The following EPB41L5 variants were observed in gnomAD, a reference collection of about 807,000 sequenced individuals.
EPB41L5 encodes erythrocyte membrane protein band 4.1 like 5.
In EPB41L5, 55 loss-of-function variants were observed where a neutral mutation model predicts 106.6. That is an observed-to-expected ratio of 0.52 (90% CI 0.42 to 0.65). EPB41L5 has a LOEUF of 0.65. EPB41L5 is among the 30% of genes least tolerant of loss of function. EPB41L5 has a pLI of 0.00. For missense variants in EPB41L5, 871 were observed against 882.1 expected (o/e 0.99, Z 0.16); for synonymous variants, 297 against 306.7 (o/e 0.97, Z 0.33).
At chr2:120,102,017 T>A (rs1193403492) in intron 16 of EPB41L5, among the ~76,000 whole-genome samples, 1 of 152,222 alleles carries the variant, frequency 6.6e-6, no homozygotes, top group African/African-American at 2.4e-5. Flanking sequence ...CAATTTCTTA[T>A]GGAAAACACA....
chr2:120,025,715 A>G (rs1160226288), intron 2 of EPB41L5, among the ~76,000 whole-genome samples: 1 of 152,216 alleles, frequency 6.6e-6, no homozygotes, highest in Admixed American at 6.5e-5. Flanking sequence ...GTACACCTCA[A>G]ATTGATTGAT....
chr2:120,020,000 T>C (rs1677816164), intron 2 of EPB41L5, among the ~76,000 whole-genome samples: 1 of 152,288 alleles, frequency 6.6e-6, no homozygotes, highest in East Asian at 1.9e-4. Context: ...TTTACAGGAC[T>C]TTTTGGGTGG....
chr2:120,150,074 C>T (rs1000163177), intron 20 of EPB41L5, among the ~76,000 whole-genome samples: 34 of 151,630 alleles, frequency 2.2e-4, no homozygotes, highest in Non-Finnish European at 4.4e-4. Context: ...TTTTTCATTT[C>T]TGGGAGAGAC....
intron 1 of EPB41L5, chr2:120,013,596 A>G (rs1259174170): frequency 6.6e-6 from 1 of 151,988 alleles, no homozygotes; most frequent in African/African-American, 2.4e-5. Flanking sequence ...GGAAAAACGA[A>G]CTGAGTTTGT....
chr2:120,157,566 T>G (rs1038761794), intron 20 of EPB41L5, among the ~76,000 whole-genome samples: 23 of 152,074 alleles, frequency 1.5e-4, no homozygotes, highest in African/African-American at 5.3e-4. Flanking sequence ...GACCAGGTGT[T>G]CAAGACCAGC....
intron 2 of EPB41L5, among the ~76,000 whole-genome samples, chr2:120,040,888 A>C (rs1574507971): frequency 6.6e-6 from 1 of 152,144 alleles, no homozygotes; most frequent in Non-Finnish European, 1.5e-5. Flanking sequence ...TGATAAACCA[A>C]CTATATGTTC....
At chr2:120,116,317 C>G (rs1042134729) in intron 16 of EPB41L5, among the ~76,000 whole-genome samples, 1 of 152,156 alleles carries the variant, frequency 6.6e-6, no homozygotes, top group South Asian at 2.1e-4. Flanking sequence ...TTCCAGTATT[C>G]TCATCATTTC....
intron 11 of EPB41L5, among the ~76,000 whole-genome samples, chr2:120,088,281 C>T (rs542435553): frequency 3.9e-5 from 6 of 152,020 alleles, no homozygotes; most frequent in Admixed American, 2.0e-4. Flanking sequence ...ATCTTTTTTG[C>T]GGGACCATGG....
intron 3 of EPB41L5, among the ~76,000 whole-genome samples, chr2:120,053,967 A>G (rs1680457583): frequency 6.6e-6 from 1 of 152,164 alleles, no homozygotes; most frequent in Non-Finnish European, 1.5e-5. Flanking sequence ...AGGCTCAGGT[A>G]GGAGGATTGC....
intron 2 of EPB41L5, among the ~76,000 whole-genome samples, chr2:120,037,687 TACAG>T (rs1449729951): frequency 6.6e-6 from 1 of 151,680 alleles, no homozygotes; most frequent in African/African-American, 2.4e-5. Context: ...TTACTGGCAA[TACAG>T]ACAGACATTG....
At chr2:120,086,971 G>A (rs1202276055) in intron 10 of EPB41L5, among the ~76,000 whole-genome samples, 200 bp from the exon 11 acceptor site, 10 of 152,146 alleles carry the variant, frequency 6.6e-5, no homozygotes, top group Non-Finnish European at 1.0e-4. Flanking sequence ...CCTCAATTTT[G>A]TCTGAGATTT....
intron 16 of EPB41L5, among the ~76,000 whole-genome samples, chr2:120,121,240 C>T (rs1404973136): frequency 1.3e-5 from 2 of 152,196 alleles, no homozygotes; most frequent in Non-Finnish European, 2.9e-5. Context: ...TTCTAGGGCA[C>T]ATGTGCACAA....
chr2:120,094,247 G>A (rs935752759), intron 14 of EPB41L5, among the ~76,000 whole-genome samples: 3 of 151,938 alleles, frequency 2.0e-5, no homozygotes, highest in South Asian at 2.1e-4. Flanking sequence ...TCTGCCTCCC[G>A]TCTTGCTGGG....
intron 16 of EPB41L5, chr2:120,104,208 T>C: frequency 6.5e-7 from 1 of 1,535,898 alleles, no homozygotes. Context: ...TGATGTTCAT[T>C]TTCCTGGCCA....
At chr2:120,106,825 G>T (rs1684481494) in intron 16 of EPB41L5, 3 of 985,284 alleles carry the variant, frequency 3.0e-6, no homozygotes, top group Non-Finnish European at 3.6e-6. Context: ...CTATCTTGGA[G>T]TAAGATCTAA....
intron 21 of EPB41L5, among the ~76,000 whole-genome samples, chr2:120,163,980 C>CTGTTTTTTT (rs1687269151): frequency 1.5e-5 from 1 of 68,140 alleles, no homozygotes; most frequent in Non-Finnish European, 2.7e-5. Context: ...TTTGTATTTA[C>CTGTTTTTTT]TTTTTTTTTT....
intron 2 of EPB41L5, among the ~76,000 whole-genome samples, chr2:120,029,897 C>G (rs1010946717): frequency 6.6e-6 from 1 of 152,196 alleles, no homozygotes; most frequent in African/African-American, 2.4e-5. Flanking sequence ...CTCCTATTCC[C>G]ACGATGCCCG....
At chr2:120,050,712 C>T (rs1001159188) in intron 3 of EPB41L5, among the ~76,000 whole-genome samples, 1 of 152,196 alleles carries the variant, frequency 6.6e-6, no homozygotes, top group African/African-American at 2.4e-5. Context: ...GAGCTGCGTT[C>T]CTTTGGAGGG....
At chr2:120,078,700 C>T (rs1682422824) in intron 10 of EPB41L5, 119 bp downstream of exon 10, 2 of 607,058 alleles carry the variant, frequency 3.3e-6, no homozygotes, top group Admixed American at 3.0e-5. Context: ...TCAATGAAAG[C>T]AACTGTCTCC....
Sources: allele counts gnomAD v4.1 joint callset (sites outside exome capture counted in the v4.1 genomes callset), GRCh38; gene constraint gnomAD v4.1.1; transcripts MANE v1.5; gene names NCBI Gene and HGNC (gene_info 2026-07-23, HGNC 2026-07-21).